The following PSMB2 variants were observed in gnomAD, a reference collection of about 807,000 sequenced individuals.
PSMB2 encodes the protein proteasome subunit beta type-2.
PSMB2 carries 13 observed loss-of-function variants against 25.7 expected under a neutral mutation model. The ratio of observed to expected loss-of-function variants is 0.51; its 90% CI spans 0.33 to 0.80. The LOEUF (loss-of-function observed/expected upper bound fraction) is 0.80, where lower values mean the gene tolerates loss of function less well. PSMB2 is among the 30% of genes least tolerant of loss of function. The pLI, the probability that PSMB2 is intolerant of heterozygous loss-of-function variation, is 0.02. For missense variants in PSMB2, 202 were observed against 259.0 expected, an observed-to-expected ratio of 0.78 and a Z score of 1.51; for synonymous variants, 87 against 96.2, an observed-to-expected ratio of 0.90 and a Z score of 0.56.
chr1:35,617,603 C>T (rs573045492), intron 3 of PSMB2, among the ~76,000 whole-genome samples: 8 of 152,112 alleles, frequency 5.3e-5, no homozygotes, highest in African/African-American at 1.9e-4. Flanking sequence ...AAGCATCATG[C>T]GACATGATGA....
chr1:35,623,214 T>C (rs1319045752), intron 3 of PSMB2, among the ~76,000 whole-genome samples: 1 of 152,208 alleles, frequency 6.6e-6, no homozygotes, highest in East Asian at 1.9e-4. Context: ...GGGATACACA[T>C]ATGTTTTGCA....
intron 3 of PSMB2, among the ~76,000 whole-genome samples, chr1:35,624,217 T>C (rs1650780975): frequency 6.6e-6 from 1 of 152,168 alleles, no homozygotes. Context: ...GGTCTTGACA[T>C]AAGATTTTTA....
In PSMB2 at chr1:35,600,850, A is replaced by G. The variant is rs945368527; in HGVS notation, c.*2417T>C. On this transcript the variant is annotated 3_prime_UTR_variant, in exon 6 of 6. Coordinates refer to ENST00000373237, the MANE Select transcript of PSMB2 (RefSeq NM_002794.5). ...GGCCTGAATGCAGAATAACAAGTTTACCAATCATTATACACTTACTGAGCA... is the reference window on the plus strand; with the variant it reads ...GGCCTGAATGCAGAATAACAAGTTTGCCAATCATTATACACTTACTGAGCA... 4.6e-5 allele frequency: 45 copies of G among 985,304 alleles called. No homozygotes were observed. The highest frequency in any genetic ancestry group is 5.2e-5 in the Non-Finnish European group (43 of 829,942). 61.0% of individuals were successfully genotyped at this position (985,304 alleles called of 1,614,324 possible). A position where few individuals can be genotyped will look rare whatever the true frequency, so the allele number is the denominator to read the frequency against.
intron 2 of PSMB2, among the ~76,000 whole-genome samples, chr1:35,632,744 A>G (rs1651139456): frequency 6.6e-6 from 1 of 151,958 alleles, no homozygotes; most frequent in Non-Finnish European, 1.5e-5. Flanking sequence ...AAATATAAAA[A>G]TTAGCCAGGG....
Position 35,601,215 on chromosome 1 carries a change from T to C in PSMB2, c.*2052A>G, listed in dbSNP as rs1285414093. Reference sequence around the variant, plus strand: ...CCAAGTAGTTGGGTTTACAGGCGTGTGCCACCACGCCTGGCTAATTGTTAT... The same window carrying C: ...CCAAGTAGTTGGGTTTACAGGCGTGCGCCACCACGCCTGGCTAATTGTTAT... On this transcript the variant is annotated 3_prime_UTR_variant, in exon 6 of 6. Transcript: ENST00000373237. The C allele has an allele frequency of 9.2e-6, 5 of 545,944 alleles. No individual in the cohort carries two copies. The highest frequency in any genetic ancestry group is 8.1e-5 in the South Asian group (1 of 12,406). 33.8% of individuals were successfully genotyped at this position (545,944 alleles called of 1,614,324 possible).
intron 5 of PSMB2, among the ~76,000 whole-genome samples, chr1:35,603,703 G>A (rs960214415): frequency 6.6e-6 from 1 of 152,136 alleles, no homozygotes; most frequent in Non-Finnish European, 1.5e-5. Flanking sequence ...AAACACAGAC[G>A]TCTCTCTTAA....
chr1:35,631,481 C>T, intron 2 of PSMB2, 137 bp from the exon 3 acceptor site: 2 of 1,477,238 alleles, frequency 1.4e-6, no homozygotes, highest in Admixed American at 2.4e-5. Context: ...CTGAGGGGTA[C>T]AATCCTACTC....
chr1:35,609,519 A>G, intron 3 of PSMB2, 111 bp from the exon 4 acceptor site: 1 of 1,018,480 alleles, frequency 9.8e-7, no homozygotes, highest in Non-Finnish European at 1.4e-6. Flanking sequence ...ATTAGCAGCA[A>G]CTGAGTAAAT....
rs1051754603 is a variant in PSMB2 at position 35,626,916 on chromosome 1, C to T, written c.285+4358G>A. ...GGAACAGAATTTTTTTTTTTAAGAA[C>T]AAAAGTTGATTTAGCATTCAGGCAA... On this transcript the variant is annotated intron_variant, in intron 3 of 5. Transcript: ENST00000373237. 6.6e-5 allele frequency among the ~76,000 whole-genome samples: 10 copies of T among 151,678 alleles called. No individual in the cohort carries two copies. The Middle Eastern group carries it at 0.01, about 155-fold the overall frequency.
chr1:35,611,176 A>G (rs1215215328), intron 3 of PSMB2, among the ~76,000 whole-genome samples: 3 of 152,176 alleles, frequency 2.0e-5, no homozygotes, highest in Admixed American at 2.0e-4. Flanking sequence ...CCATCCCTAA[A>G]TTTGTCTATG....
At chr1:35,618,756 A>G (rs1273223002) in intron 3 of PSMB2, among the ~76,000 whole-genome samples, 1 of 152,244 alleles carries the variant, frequency 6.6e-6, no homozygotes, top group Non-Finnish European at 1.5e-5. Context: ...TTGGAAGTTG[A>G]AAACAATTTT....
intron 3 of PSMB2, among the ~76,000 whole-genome samples, chr1:35,615,098 TACC>T (rs1303010606): frequency 1.3e-5 from 2 of 152,230 alleles, no homozygotes; most frequent in African/African-American, 4.8e-5. Flanking sequence ...ACCACAACAC[TACC>T]ACCACCACTT....
intron 3 of PSMB2, among the ~76,000 whole-genome samples, chr1:35,615,026 T>C (rs1650452765): frequency 6.6e-6 from 1 of 152,250 alleles, no homozygotes; most frequent in Non-Finnish European, 1.5e-5. Context: ...AAGGTTTAGA[T>C]AAATACATGT....
intron 2 of PSMB2, among the ~76,000 whole-genome samples, chr1:35,634,216 T>C (rs1651180843): frequency 6.6e-6 from 1 of 152,186 alleles, no homozygotes; most frequent in South Asian, 2.1e-4. Flanking sequence ...AGTTACACAA[T>C]GCTTTAGGTT....
At chr1:35,632,035 G>A (rs1651120762) in intron 2 of PSMB2, among the ~76,000 whole-genome samples, 2 of 151,646 alleles carry the variant, frequency 1.3e-5, no homozygotes, top group South Asian at 4.2e-4. Flanking sequence ...ACGAAAACAG[G>A]AACAAAAAGG....
At position 35,600,159 on chromosome 1, in the gene PSMB2, A is replaced by G. The variant is rs1649947782; in HGVS notation, c.*3108T>C. ...CCCTGTCTCTGAAAAACAACAATAA[A>G]AAATTATAATAAAATTAAAAGATTT... On this transcript the variant is annotated 3_prime_UTR_variant, in exon 6 of 6. Coordinates refer to ENST00000373237, the MANE Select transcript of PSMB2 (RefSeq NM_002794.5). 1.0e-6 allele frequency: 1 copy of G among 979,496 alleles called. No homozygotes were observed. The allele number at this position is 979,496 out of a possible 1,614,324, so 60.7% of individuals were successfully genotyped here.
In PSMB2 at chr1:35,636,450, C is replaced by T; in HGVS notation, c.92-18G>A. The T allele has an allele frequency of 6.2e-7, 1 of 1,610,276 alleles. No individual in the cohort carries two copies. The highest frequency in any genetic ancestry group is 8.5e-7 in the Non-Finnish European group (1 of 1,178,446). Reference sequence around the variant, plus strand: ...GTCATGATCTGCTCAAAGAAGAAAACTGTGTTAGAAACTGCCTTAACAGAC... The same window carrying T: ...GTCATGATCTGCTCAAAGAAGAAAATTGTGTTAGAAACTGCCTTAACAGAC... On this transcript the variant is annotated intron_variant, in intron 1 of 5. Coordinates refer to ENST00000373237, the MANE Select transcript of PSMB2 (RefSeq NM_002794.5).
At chr1:35,636,238 C>T in intron 2 of PSMB2, 72 bp downstream of exon 2, 1 of 1,568,226 alleles carries the variant, frequency 6.4e-7, no homozygotes, top group Non-Finnish European at 8.7e-7. Flanking sequence ...GTTTAAGCCA[C>T]CCAGTCTGTG....
At chr1:35,603,776 G>A (rs988914693) in intron 5 of PSMB2, among the ~76,000 whole-genome samples, 1 of 152,198 alleles carries the variant, frequency 6.6e-6, no homozygotes, top group African/African-American at 2.4e-5. Context: ...GAGGCCAGGA[G>A]CTGTGGCTCA....
Sources: allele counts gnomAD v4.1 joint callset (sites outside exome capture counted in the v4.1 genomes callset), GRCh38; gene constraint gnomAD v4.1.1; transcripts MANE v1.5; gene names NCBI Gene and HGNC (gene_info 2026-07-23, HGNC 2026-07-21).